The following HPSE2 variants were observed in gnomAD, a reference collection of about 807,000 sequenced individuals.
HPSE2 encodes inactive heparanase-2.
A neutral mutation model predicts 60.5 loss-of-function variants in HPSE2; 38 were observed. That is an observed-to-expected ratio of 0.63 (90% CI 0.48 to 0.82). The LOEUF (loss-of-function observed/expected upper bound fraction) is 0.82, where lower values mean the gene tolerates loss of function less well. Among genes scored for constraint, HPSE2 ranks in the 40% least tolerant of loss-of-function variants. The pLI, the probability that HPSE2 is intolerant of heterozygous loss-of-function variation, is 0.00. For synonymous variants in HPSE2, 295 were observed against 293.2 expected, an observed-to-expected ratio of 1.01 and a Z score of -0.06; for missense variants, 713 against 740.4, an observed-to-expected ratio of 0.96 and a Z score of 0.43.
chr10:98,867,257 A>C (rs1156618156), intron 3 of HPSE2, among the ~76,000 whole-genome samples: 1 of 152,008 alleles, frequency 6.6e-6, no homozygotes, highest in African/African-American at 2.4e-5. Flanking sequence ...ACAAGGGATT[A>C]TACCAGAATA....
intron 9 of HPSE2, among the ~76,000 whole-genome samples, chr10:98,526,318 G>T (rs1291143258): frequency 6.6e-6 from 1 of 152,148 alleles, no homozygotes; most frequent in Non-Finnish European, 1.5e-5. Flanking sequence ...CTTTCATGTG[G>T]CTGTGAAATA....
intron 3 of HPSE2, among the ~76,000 whole-genome samples, chr10:98,943,144 G>A (rs1312041145): frequency 1.3e-5 from 2 of 151,252 alleles, no homozygotes; most frequent in Non-Finnish European, 2.9e-5. Flanking sequence ...TGACGAGTTG[G>A]TGGGTGCAGC....
intron 2 of HPSE2, among the ~76,000 whole-genome samples, chr10:99,218,417 T>C (rs1417776985): frequency 2.0e-5 from 3 of 151,960 alleles, no homozygotes; most frequent in Non-Finnish European, 4.4e-5. Context: ...TTACACTGAT[T>C]CTTGATACAC....
intron 10 of HPSE2, among the ~76,000 whole-genome samples, chr10:98,484,108 T>C (rs1321585947): frequency 1.3e-5 from 2 of 152,240 alleles, no homozygotes; most frequent in Non-Finnish European, 2.9e-5. Context: ...AATACTGACA[T>C]GCAGCATTTT....
At chr10:98,904,976 TA>T (rs916713334) in intron 3 of HPSE2, among the ~76,000 whole-genome samples, 13 of 152,172 alleles carry the variant, frequency 8.5e-5, no homozygotes, top group Non-Finnish European at 1.9e-4. Flanking sequence ...CTTAATGACA[TA>T]AAAATGTAAA....
chr10:99,199,114 A>G (rs771468843), intron 2 of HPSE2, among the ~76,000 whole-genome samples: 4 of 152,152 alleles, frequency 2.6e-5, no homozygotes, highest in Non-Finnish European at 5.9e-5. Context: ...TTGTTTCCAC[A>G]TCTTGACTAT....
intron 7 of HPSE2, among the ~76,000 whole-genome samples, chr10:98,626,931 G>A (rs182439631): frequency 5.9e-5 from 9 of 152,108 alleles, no homozygotes; most frequent in South Asian, 2.1e-4. Context: ...CCACCACCAC[G>A]CCCAGCTAAT....
chr10:98,866,434 G>C (rs901676366), intron 3 of HPSE2, among the ~76,000 whole-genome samples: 4 of 151,882 alleles, frequency 2.6e-5, no homozygotes, highest in African/African-American at 9.7e-5. Context: ...GAGAAGAAAG[G>C]TCAGAAAAAT....
chr10:98,474,525 C>T (rs1383425553), intron 11 of HPSE2, among the ~76,000 whole-genome samples: 2 of 152,088 alleles, frequency 1.3e-5, no homozygotes, highest in African/African-American at 2.4e-5. Context: ...CAAATGACAC[C>T]TCTCTAAAGG....
Position 98,789,587 on chromosome 10 carries a change from T to G in HPSE2, c.611-45531A>C, listed in dbSNP as rs540071950. ...AAATAGTTGGACCTTTATAGCCCCA[T>G]CTCATTCAGTCACTGATGTGGGCTG... On this transcript the variant is annotated intron_variant, in intron 3 of 11. Coordinates refer to ENST00000370552, the MANE Select transcript of HPSE2 (RefSeq NM_021828.5). Among the ~76,000 whole-genome samples the G allele has an allele frequency of 2.6e-5, 4 of 152,288 alleles. No individual in the cohort carries two copies. In the South Asian group the frequency reaches 8.3e-4, roughly 32 times the overall value.
At chr10:98,637,950 A>G (rs997373472) in intron 7 of HPSE2, among the ~76,000 whole-genome samples, 2 of 151,714 alleles carry the variant, frequency 1.3e-5, no homozygotes, top group African/African-American at 4.8e-5. Flanking sequence ...ACAAGCCTGG[A>G]CAACATGGTG....
chr10:98,673,553 G>T lies in HPSE2; in HGVS notation c.1004+20347C>A, dbSNP rs181672835. Among the ~76,000 whole-genome samples, 35 of 152,166 alleles carry T rather than the reference G, an allele frequency of 2.3e-4. No homozygotes were observed. In the East Asian group the frequency reaches 5.8e-3, roughly 25 times the overall value. On this transcript the variant is annotated intron_variant, in intron 6 of 11. Transcript: ENST00000370552. ...AGGCAGATTACCTCAAGAGAGCAGGGGAGCATGTGACTCATCCACCCACAG... is the reference window on the plus strand; with the variant it reads ...AGGCAGATTACCTCAAGAGAGCAGGTGAGCATGTGACTCATCCACCCACAG...
At chr10:99,097,253 A>G (rs758704767) in intron 3 of HPSE2, among the ~76,000 whole-genome samples, 1 of 152,210 alleles carries the variant, frequency 6.6e-6, no homozygotes, top group Non-Finnish European at 1.5e-5. Context: ...CATCTACTAT[A>G]AGGTAACAAA....
At chr10:99,050,162 C>G (rs1957956632) in intron 3 of HPSE2, among the ~76,000 whole-genome samples, 1 of 152,028 alleles carries the variant, frequency 6.6e-6, no homozygotes, top group Non-Finnish European at 1.5e-5. Context: ...ATTAGTCAGG[C>G]ATGGTGACAT....
chr10:99,213,819 C>T (rs1293620645), intron 2 of HPSE2, among the ~76,000 whole-genome samples: 1 of 152,054 alleles, frequency 6.6e-6, no homozygotes, highest in Non-Finnish European at 1.5e-5. Context: ...GGAATAATAA[C>T]AGAATCTACC....
At chr10:99,071,378 A>C (rs1016587738) in intron 3 of HPSE2, among the ~76,000 whole-genome samples, 1 of 151,830 alleles carries the variant, frequency 6.6e-6, no homozygotes, top group Non-Finnish European at 1.5e-5. Context: ...CCTATTTTTA[A>C]TTTTTTGAGG....
At chr10:98,960,751 T>A (rs1194366996) in intron 3 of HPSE2, among the ~76,000 whole-genome samples, 7 of 121,922 alleles carry the variant, frequency 5.7e-5, no homozygotes, top group African/African-American at 1.7e-4. Context: ...TTTTTTTTTT[T>A]ATTATACTCT....
At chr10:99,182,259 G>C (rs1210701224) in intron 2 of HPSE2, among the ~76,000 whole-genome samples, 1 of 152,082 alleles carries the variant, frequency 6.6e-6, no homozygotes, top group African/African-American at 2.4e-5. Context: ...TCTACATTCT[G>C]CCAATGTACA....
chr10:98,988,809 A>C (rs2135332758), intron 3 of HPSE2, among the ~76,000 whole-genome samples: 1 of 121,266 alleles, frequency 8.2e-6, no homozygotes, highest in South Asian at 3.5e-4. Flanking sequence ...GAAAAAAACA[A>C]ACAACCCCAT....
Sources: gnomAD v4.1 joint callset for allele counts (sites outside exome capture counted in the v4.1 genomes callset) on GRCh38, gnomAD v4.1.1 for gene constraint, MANE v1.5 for transcripts, NCBI Gene and HGNC (gene_info 2026-07-23, HGNC 2026-07-21) for gene names.